The following AFTPH variants were observed in gnomAD, a reference collection of about 807,000 sequenced individuals.
The protein encoded by AFTPH is aftiphilin protein.
A neutral mutation model predicts 72.5 loss-of-function variants in AFTPH; 7 were observed. The observed-to-expected ratio is 0.10, with a 90% CI of 0.05 to 0.18. The LOEUF is 0.18. Ranked by LOEUF, AFTPH falls within the 10% of genes least tolerant of loss-of-function variation. AFTPH has a pLI of 1.00. For synonymous variants in AFTPH, 337 were observed against 370.1 expected, an observed-to-expected ratio of 0.91 and a Z score of 1.03; for missense variants, 979 against 1,060.5, an observed-to-expected ratio of 0.92 and a Z score of 1.07.
intron 2 of AFTPH, among the ~76,000 whole-genome samples, chr2:64,553,655 A>T (rs55940946): frequency 0.043 from 6,464 of 151,164 alleles, 364 homozygotes; most frequent in African/African-American, 0.12. Flanking sequence ...ATATTTACAG[A>T]TACTCATCAA....
intron 3 of AFTPH, 88 bp from the exon 4 acceptor site, chr2:64,569,004 T>G (rs1672258586): frequency 1.4e-6 from 2 of 1,402,920 alleles, no homozygotes; most frequent in Admixed American, 1.7e-5. Context: ...ATGGAATGTG[T>G]GTTATGTCAC....
chr2:64,553,495 AC>A, intron 2 of AFTPH, 86 bp downstream of exon 2: 1 of 1,404,610 alleles, frequency 7.1e-7, no homozygotes. Context: ...TATTTTTTCA[AC>A]TGAGTACTTG....
exon 2 of AFTPH, chr2:64,552,081 G>A (rs997539227): frequency 2.5e-6 from 4 of 1,613,930 alleles, no homozygotes; most frequent in Non-Finnish European, 2.5e-6. Context: ...TCTGGACAAT[G>A]TAGCTGATTC....
intron 5 of AFTPH, among the ~76,000 whole-genome samples, chr2:64,570,369 A>G (rs960454994): frequency 1.3e-5 from 2 of 152,218 alleles, no homozygotes; most frequent in African/African-American, 4.8e-5. Context: ...TAATGAAGGA[A>G]TCTTTGGTAT....
exon 2 of AFTPH, chr2:64,552,819 G>A: frequency 6.2e-7 from 1 of 1,614,194 alleles, no homozygotes; most frequent in Non-Finnish European, 8.5e-7. Flanking sequence ...TCCACCTTTT[G>A]TTACTGGTAC....
rs377543804 is a variant in AFTPH at position 64,553,104 on chromosome 2, A to G, written c.1630A>G (p.Asn544Asp). Residue 544 changes from asparagine to aspartate, a missense_variant, in exon 2 of 9, where the codon AAT becomes GAT. Coordinates refer to ENST00000238856, the Ensembl canonical transcript of AFTPH. The stretch of plus-strand genomic sequence containing the variant: ...GATTGGACATTTTGATTCTGTGCCA[A>G]ATATTCAGGATGACTGCAATGGTTT... The G allele has an allele frequency of 8.6e-5, 139 of 1,614,202 alleles. No homozygotes were observed. The highest frequency in any genetic ancestry group is 8.5e-4 in the South Asian group (77 of 91,086).
chr2:64,571,260 GC>G (rs1157066379), intron 5 of AFTPH, among the ~76,000 whole-genome samples: 7 of 141,418 alleles, frequency 4.9e-5, no homozygotes, highest in East Asian at 4.4e-4. Context: ...GTTGAGCACC[GC>G]CCCCCACCCC....
chr2:64,552,265 A>G (rs918291), exon 2 of AFTPH: 5 of 1,613,926 alleles, frequency 3.1e-6, no homozygotes, highest in African/African-American at 1.3e-5. Flanking sequence ...ATTCGGGAAA[A>G]CAATAAAATT....
chr2:64,525,567 A>T (rs1415419976), intron 1 of AFTPH: 1 of 154,196 alleles, frequency 6.5e-6, no homozygotes, highest in East Asian at 1.9e-4. Context: ...CTACAGTGTA[A>T]GTCTTCCTTC....
At chr2:64,560,731 G>C (rs1017631008) in intron 2 of AFTPH, among the ~76,000 whole-genome samples, 3 of 152,160 alleles carry the variant, frequency 2.0e-5, no homozygotes, top group African/African-American at 7.2e-5. Flanking sequence ...AAGTTAGCTA[G>C]GCATGGTGGT....
At chr2:64,538,557 C>CTA (rs1355778094) in intron 1 of AFTPH, among the ~76,000 whole-genome samples, 1 of 152,138 alleles carries the variant, frequency 6.6e-6, no homozygotes. Flanking sequence ...ATCATGTGTG[C>CTA]TATTATCTGT....
chr2:64,586,808 A>G, intron 8 of AFTPH, among the ~76,000 whole-genome samples: 1 of 152,182 alleles, frequency 6.6e-6, no homozygotes. Flanking sequence ...CTTTCCAAAT[A>G]AATCACTTCT....
chr2:64,556,595 ATT>A (rs1245283860), intron 2 of AFTPH, among the ~76,000 whole-genome samples: 1 of 152,190 alleles, frequency 6.6e-6, no homozygotes, highest in Non-Finnish European at 1.5e-5. Flanking sequence ...GGTATGTGAC[ATT>A]GTCCAGGTCC....
intron 7 of AFTPH, among the ~76,000 whole-genome samples, chr2:64,584,852 T>C (rs1364536464): frequency 6.6e-6 from 1 of 152,130 alleles, no homozygotes; most frequent in Non-Finnish European, 1.5e-5. Flanking sequence ...CGCCTCGGCC[T>C]CCCAAAGTGC....
Position 64,534,580 on chromosome 2 carries a change from A to G in AFTPH, c.-33+9968A>G, listed in dbSNP as rs188182860. On this transcript the variant is annotated intron_variant, in intron 1 of 8. Transcript: ENST00000238856. ...GGTTTCATAAGTTTACACAAAGCAC[A>G]GGGCAAGTGTTACACGTAACTAAAA... is the stretch of plus-strand genomic sequence containing the variant. Among the ~76,000 whole-genome samples, 255 of 152,320 alleles carry G rather than the reference A, an allele frequency of 1.7e-3. 4 individuals are homozygous for G. The highest frequency in any genetic ancestry group is 5.5e-3 in the African/African-American group (227 of 41,584).
chr2:64,585,285 T>C, intron 7 of AFTPH, 137 bp from the exon 9 acceptor site: 1 of 1,029,658 alleles, frequency 9.7e-7, no homozygotes, highest in Admixed American at 2.3e-5. Flanking sequence ...AAATGCAGTA[T>C]TGCAGTGTTC....
chr2:64,524,986 T>C (rs1669164078), intron 1 of AFTPH, among the ~76,000 whole-genome samples: 1 of 152,202 alleles, frequency 6.6e-6, no homozygotes, highest in South Asian at 2.1e-4. Context: ...GGGGCTTTGC[T>C]TGGGCTTCTT....
rs1478159404 is a variant in AFTPH at position 64,579,432 on chromosome 2, T to C, written c.2395-54T>C. 4 of 1,424,454 alleles carry C rather than the reference T, an allele frequency of 2.8e-6. No individual in the cohort carries two copies. In the Admixed American group the frequency reaches 5.7e-5, roughly 20 times the overall value. 88.2% of individuals were successfully genotyped at this position (1,424,454 alleles called of 1,614,324 possible). A position where few individuals can be genotyped will look rare whatever the true frequency, so the allele number is the denominator to read the frequency against. The stretch of plus-strand genomic sequence containing the variant: ...ATAATTTTTTTTTTTAAGGATTCTT[T>C]ACGTTGCTACAACCTGTACTGATTA... On this transcript the variant is annotated intron_variant, in intron 6 of 8. Transcript: ENST00000238856.
intron 5 of AFTPH, 97 bp downstream of exon 5, chr2:64,569,776 C>T: frequency 8.8e-7 from 1 of 1,139,524 alleles, no homozygotes; most frequent in Non-Finnish European, 1.3e-6. Context: ...ATATAAGAGA[C>T]ATTTAGTGTT....
Sources: allele counts gnomAD v4.1 joint callset (sites outside exome capture counted in the v4.1 genomes callset), GRCh38; gene constraint gnomAD v4.1.1; transcripts MANE v1.5; gene names NCBI Gene and HGNC (gene_info 2026-07-23, HGNC 2026-07-21).